Variants in TFCP2L1 observed in about 807,000 individuals in gnomAD.
The protein encoded by TFCP2L1 is transcription factor CP2 like 1.
A neutral mutation model predicts 72.2 loss-of-function variants in TFCP2L1; 12 were observed. The observed-to-expected ratio is 0.17, with a 90% CI of 0.11 to 0.27. The LOEUF is 0.27. Ranked by LOEUF, TFCP2L1 falls within the 10% of genes least tolerant of loss-of-function variation. The pLI is 1.00. For synonymous variants in TFCP2L1, 260 were observed against 251.0 expected, an observed-to-expected ratio of 1.04 and a Z score of -0.34; for missense variants, 488 against 624.6, an observed-to-expected ratio of 0.78 and a Z score of 2.33.
At chr2:121,227,982 C>T (rs1686063763) in intron 13 of TFCP2L1, among the ~76,000 whole-genome samples, 1 of 152,246 alleles carries the variant, frequency 6.6e-6, no homozygotes. Context: ...TACGCAGAGC[C>T]CACATGGGCT....
intron 2 of TFCP2L1, among the ~76,000 whole-genome samples, chr2:121,274,415 C>G (rs1687106396): frequency 6.6e-6 from 1 of 152,100 alleles, no homozygotes; most frequent in Non-Finnish European, 1.5e-5. Flanking sequence ...TTTCTGATGA[C>G]TCGATGTACA....
At chr2:121,276,485 T>A (rs1205835773) in intron 2 of TFCP2L1, among the ~76,000 whole-genome samples, 1 of 151,898 alleles carries the variant, frequency 6.6e-6, no homozygotes, top group African/African-American at 2.4e-5. Context: ...TTACAAAAAT[T>A]AGCCGGGTGT....
rs2009614 is a variant in TFCP2L1 at position 121,254,697 on chromosome 2, G to A, written c.215-5050C>T. Among the ~76,000 whole-genome samples the A allele has an allele frequency of 1.9e-3, 289 of 152,260 alleles. 1 individual carries two copies. Among genetic ancestry groups the A allele is most frequent in the African/African-American group, 6.7e-3 (279 of 41,548 alleles). ...CTTGTAATCGCAGCTATTCTACTCA[G>A]GAGGCTGGGGCAAGAGAGTTGCTTG... On this transcript the variant is annotated intron_variant, in intron 2 of 14. Transcript: ENST00000263707.
chr2:121,269,821 A>T (rs1225784847), intron 2 of TFCP2L1, among the ~76,000 whole-genome samples: 8 of 150,684 alleles, frequency 5.3e-5, no homozygotes, highest in Admixed American at 1.3e-4. Flanking sequence ...AAACAGGAGA[A>T]TCACTTGAAC....
At chr2:121,247,440 G>GA (rs1240950835) in intron 5 of TFCP2L1, among the ~76,000 whole-genome samples, 56 of 151,646 alleles carry the variant, frequency 3.7e-4, no homozygotes, top group African/African-American at 1.4e-3. Flanking sequence ...TACATAAATG[G>GA]CACTCGATAT....
intron 2 of TFCP2L1, among the ~76,000 whole-genome samples, chr2:121,271,303 T>A (rs1687043862): frequency 6.6e-6 from 1 of 152,128 alleles, no homozygotes; most frequent in African/African-American, 2.4e-5. Flanking sequence ...TATATAAGGT[T>A]ATATGCATGT....
chr2:121,249,754 G>T, intron 2 of TFCP2L1, 107 bp from the exon 3 acceptor site: 1 of 1,129,478 alleles, frequency 8.9e-7, no homozygotes, highest in Non-Finnish European at 1.3e-6. Flanking sequence ...CAGGCCTCAA[G>T]GCCCTGGGGA....
intron 2 of TFCP2L1, among the ~76,000 whole-genome samples, chr2:121,262,048 G>A (rs889582124): frequency 6.6e-6 from 1 of 152,216 alleles, no homozygotes; most frequent in African/African-American, 2.4e-5. Flanking sequence ...AGGCATGGTG[G>A]CTCATGCCTG....
At position 121,221,871 on chromosome 2, in the gene TFCP2L1, G is replaced by A. The variant is rs191179795; in HGVS notation, c.*2470C>T. ...GTCATATACCTGATAAAAGACTGGC[G>A]TCTAGAATATACAAATAGCTCACCC... On this transcript the variant is annotated 3_prime_UTR_variant, in exon 15 of 15. Transcript: ENST00000263707. 4.6e-5 allele frequency: 7 copies of A among 152,098 alleles called. No homozygotes were observed. In the East Asian group the frequency reaches 5.8e-4, roughly 13 times the overall value. The allele number at this position is 152,098 out of a possible 1,614,324, so 9.4% of individuals were successfully genotyped here.
At position 121,249,082 on chromosome 2, in the gene TFCP2L1, G is replaced by A. The variant is rs1399864394; in HGVS notation, c.297C>T (p.Ile99=). The A allele has an allele frequency of 2.5e-6, 4 of 1,581,324 alleles. No individual in the cohort carries two copies. ...QDLNTKYVKS[I]IRVVFHDRRL... ...GGCGGTCATGGAAGACCACACGGATGATGCTCTGGGGAGGGAGGCCAGCAG... is the reference window on the plus strand; with the variant it reads ...GGCGGTCATGGAAGACCACACGGATAATGCTCTGGGGAGGGAGGCCAGCAG... Residue 99 remains isoleucine (I), a synonymous_variant, in exon 4 of 15, where the codon ATC becomes ATT. Transcript: ENST00000263707.
intron 7 of TFCP2L1, chr2:121,240,154 C>T: frequency 7.1e-6 from 7 of 985,264 alleles, no homozygotes; most frequent in Non-Finnish European, 8.4e-6. Context: ...CTTGCACAAT[C>T]ACCAAAAGCA....
intron 2 of TFCP2L1, among the ~76,000 whole-genome samples, chr2:121,259,861 A>G (rs771082614): frequency 3.3e-5 from 5 of 152,254 alleles, no homozygotes; most frequent in Non-Finnish European, 7.3e-5. Flanking sequence ...AACTAGGGAT[A>G]TATTGCATCT....
chr2:121,226,720 T>C (rs1202744969), intron 13 of TFCP2L1, among the ~76,000 whole-genome samples: 1 of 152,176 alleles, frequency 6.6e-6, no homozygotes, highest in Non-Finnish European at 1.5e-5. Flanking sequence ...CATGGCCCTA[T>C]CTGTAAAACA....
intron 1 of TFCP2L1, among the ~76,000 whole-genome samples, chr2:121,282,681 G>C (rs575814327): frequency 4.6e-5 from 7 of 152,286 alleles, no homozygotes; most frequent in African/African-American, 1.4e-4. Flanking sequence ...TGCCAAATAA[G>C]TGCCAGTGCT....
At chr2:121,235,058 G>A (rs960116103) in intron 11 of TFCP2L1, among the ~76,000 whole-genome samples, 163 bp downstream of exon 11, 8 of 152,182 alleles carry the variant, frequency 5.3e-5, no homozygotes, top group African/African-American at 9.6e-5. Context: ...GCTGTGGCCC[G>A]TGCCCCTCTT....
intron 2 of TFCP2L1, among the ~76,000 whole-genome samples, chr2:121,276,699 A>G (rs1036313996): frequency 2.2e-4 from 34 of 152,054 alleles, no homozygotes; most frequent in African/African-American, 7.7e-4. Context: ...TTTGTGAGAT[A>G]AAGGTAGGAA....
chr2:121,275,913 T>C (rs868322448), intron 2 of TFCP2L1, among the ~76,000 whole-genome samples: 2 of 152,146 alleles, frequency 1.3e-5, no homozygotes, highest in African/African-American at 4.8e-5. Flanking sequence ...TAAGAATAAA[T>C]TATTGGGAAC....
In TFCP2L1 at chr2:121,232,055, C is replaced by T. The variant is rs1479041662; in HGVS notation, c.1199-87G>A. 3 of 1,463,750 alleles carry T rather than the reference C, an allele frequency of 2.0e-6. No individual in the cohort carries two copies. In the Admixed American group the frequency reaches 6.7e-5, roughly 33 times the overall value. The allele number at this position is 1,463,750 out of a possible 1,614,324, so 90.7% of individuals were successfully genotyped here. On this transcript the variant is annotated intron_variant, in intron 12 of 14. Coordinates refer to ENST00000263707, the MANE Select transcript of TFCP2L1 (RefSeq NM_014553.3). ...ACCCGCCCTGAGAAAGCAGTAAGTC[C>T]TTTGTCAAAATGCCACACCCAGGGC...
At position 121,248,995 on chromosome 2, in the gene TFCP2L1, C is replaced by G. The variant is rs1400864672; in HGVS notation, c.384G>C (p.Arg128=). 6.2e-7 allele frequency: 1 copy of G among 1,600,188 alleles called. No homozygotes were observed. The highest frequency in any genetic ancestry group is 1.3e-5 in the African/African-American group (1 of 74,558). ...EGWRWSRPGD[R]ILDIDIPLSV... ...CAGGAGACTCACCGATGTCCAGGAT[C>G]CGGTCCCCTGGCCGACTCCACCGCC... The change falls in exon 4 of 15, where the codon CGG becomes CGC. Residue 128 remains arginine (R), a synonymous_variant. Transcript: ENST00000263707.
Sources: allele counts gnomAD v4.1 joint callset (sites outside exome capture counted in the v4.1 genomes callset), GRCh38; gene constraint gnomAD v4.1.1; transcripts MANE v1.5; gene names NCBI Gene and HGNC (gene_info 2026-07-23, HGNC 2026-07-21).